Variants in ARMC9 observed in about 807,000 individuals in gnomAD.
ARMC9 encodes the protein armadillo repeat containing 9.
Under a neutral mutation model 107.0 loss-of-function variants are expected in ARMC9, and 94 were observed. That is an observed-to-expected ratio of 0.88 (90% CI 0.74 to 1.04). ARMC9 has a LOEUF of 1.04. ARMC9 is among the 50% of genes least tolerant of loss of function. ARMC9 has a pLI of 0.00. For synonymous variants in ARMC9, 380 were observed against 396.9 expected (o/e 0.96, Z 0.51); for missense variants, 942 against 1,030.1 (o/e 0.91, Z 1.17).
At chr2:231,309,022 T>C (rs2042190566) in intron 19 of ARMC9, among the ~76,000 whole-genome samples, 1 of 152,258 alleles carries the variant, frequency 6.6e-6, no homozygotes, top group Non-Finnish European at 1.5e-5. Flanking sequence ...GCAGGACCTT[T>C]CCATTATTTA....
intron 1 of ARMC9, among the ~76,000 whole-genome samples, chr2:231,205,411 TAGATGAAGAA>T (rs2031824067): frequency 6.6e-6 from 1 of 152,168 alleles, no homozygotes. Flanking sequence ...CTGAATTTTA[TAGATGAAGAA>T]AGGCTCTGCA....
rs76396250 is a variant in ARMC9 at position 231,206,569 on chromosome 2, C to T, written c.51+280C>T. Among the ~76,000 whole-genome samples the T allele has an allele frequency of 5.7e-3, 874 of 152,274 alleles. 5 individuals are homozygous for T. Among genetic ancestry groups the T allele is most frequent in the African/African-American group, 0.02 (821 of 41,550 alleles). Reference sequence around the variant, plus strand: ...GAAGTATAAAAAGGAAATTTCCCTCCCAGACTTTTTTCTATGTATAGTAAA... The same window carrying T: ...GAAGTATAAAAAGGAAATTTCCCTCTCAGACTTTTTTCTATGTATAGTAAA... On this transcript the variant is annotated intron_variant, in intron 2 of 24. Transcript: ENST00000611582.
chr2:231,226,936 A>G, intron 7 of ARMC9, 138 bp downstream of exon 7: 1 of 1,000,554 alleles, frequency 1.0e-6, no homozygotes, highest in South Asian at 1.5e-5. Context: ...CTTTGCAGTC[A>G]TAGTGACCTG....
At chr2:231,270,752 T>C in intron 12 of ARMC9, 1 of 653,806 alleles carries the variant, frequency 1.5e-6, no homozygotes, top group Non-Finnish European at 2.9e-6. Flanking sequence ...TCTGAGGGCT[T>C]CGTGTAATTA....
intron 22 of ARMC9, among the ~76,000 whole-genome samples, chr2:231,356,611 A>G (rs1007762574): frequency 1.3e-5 from 2 of 152,254 alleles, no homozygotes; most frequent in Non-Finnish European, 2.9e-5. Flanking sequence ...TCTGCTCACA[A>G]TTGGATTCAG....
intron 9 of ARMC9, among the ~76,000 whole-genome samples, chr2:231,242,601 AGT>A (rs1361264319): frequency 1.3e-5 from 2 of 152,088 alleles, no homozygotes; most frequent in African/African-American, 2.4e-5. Flanking sequence ...TAGGAAGCAG[AGT>A]GTGCTTACCA....
intron 20 of ARMC9, among the ~76,000 whole-genome samples, chr2:231,343,658 C>A (rs2044650519): frequency 1.3e-5 from 2 of 152,226 alleles, no homozygotes; most frequent in Non-Finnish European, 2.9e-5. Flanking sequence ...ATAATAGTAA[C>A]CATATTACAA....
At chr2:231,306,686 G>A (rs997392811) in intron 19 of ARMC9, among the ~76,000 whole-genome samples, 7 of 151,886 alleles carry the variant, frequency 4.6e-5, no homozygotes, top group African/African-American at 1.7e-4. Context: ...ATAGGAACAA[G>A]CTAATTGTCC....
rs1176702594 is a variant in ARMC9 at position 231,345,024 on chromosome 2, A to C, written c.1928A>C (p.Gln643Pro). ...KTRRKGLANV[Q>P]WSGDEPLQRP... ...AGGCGGAAGGGGCTGGCTAATGTGC[A>C]GTGGAGCGGGGATGAGCCCCTGCAA... Residue 643 changes from glutamine to proline, a missense_variant, in exon 21 of 25, where the codon CAG (glutamine) becomes CCG (proline). Physicochemically the swap from Gln to Pro is moderately conservative, Grantham distance 76. Coordinates refer to ENST00000611582, the MANE Select transcript of ARMC9 (RefSeq NM_001352754.2). The C allele has an allele frequency of 6.2e-7, 1 of 1,614,104 alleles. No homozygotes were observed. The highest frequency in any genetic ancestry group is 1.1e-5 in the South Asian group (1 of 91,058).
chr2:231,253,569 A>G (rs2037494917), intron 9 of ARMC9, among the ~76,000 whole-genome samples: 1 of 152,132 alleles, frequency 6.6e-6, no homozygotes, highest in Admixed American at 6.5e-5. Context: ...AAAAAATGTT[A>G]TGGACCAGAG....
At chr2:231,258,251 G>A (rs910014574) in intron 10 of ARMC9, among the ~76,000 whole-genome samples, 8 of 151,862 alleles carry the variant, frequency 5.3e-5, no homozygotes, top group African/African-American at 1.9e-4. Context: ...GTGCGATCTC[G>A]GCTCACTGCA....
chr2:231,370,235 G>A, intron 24 of ARMC9, 110 bp downstream of exon 24: 1 of 1,236,046 alleles, frequency 8.1e-7, no homozygotes, highest in East Asian at 2.9e-5. Context: ...TACCAGGCCA[G>A]GCCAGAAGGG....
intron 8 of ARMC9, among the ~76,000 whole-genome samples, chr2:231,239,676 A>G (rs2036102420): frequency 6.6e-6 from 1 of 152,224 alleles, no homozygotes; most frequent in South Asian, 2.1e-4. Context: ...CAGTGGAGAT[A>G]GCTGAAGTGG....
intron 20 of ARMC9, among the ~76,000 whole-genome samples, chr2:231,340,836 C>T (rs919116543): frequency 2.0e-5 from 3 of 152,114 alleles, no homozygotes; most frequent in Admixed American, 6.6e-5. Flanking sequence ...TGCAGTGAGC[C>T]AAGATCGCGC....
rs556006458 is a variant in ARMC9, at chr2:231,375,373, G to A, written c.*3838G>A. Among the ~76,000 whole-genome samples the A allele has an allele frequency of 1.3e-5, 2 of 151,902 alleles. No individual in the cohort carries two copies. The highest frequency in any genetic ancestry group is 2.1e-4 in the East Asian group (1 of 4,816). On this transcript the variant is annotated 3_prime_UTR_variant, in exon 25 of 25. Coordinates refer to ENST00000611582, the MANE Select transcript of ARMC9 (RefSeq NM_001352754.2). This position sits in a 1 kb window ranked among gnomAD's most constrained non-coding sequence, Gnocchi z 4.3. Reference sequence around the variant, plus strand: ...CCCATTGTCCAAAGCAGACCACATGGCCAAGGCCCAAGTCTGTGTGAAAGG... The same window carrying A: ...CCCATTGTCCAAAGCAGACCACATGACCAAGGCCCAAGTCTGTGTGAAAGG...
intron 19 of ARMC9, among the ~76,000 whole-genome samples, chr2:231,310,373 G>A (rs1415835645): frequency 2.7e-5 from 4 of 150,192 alleles, no homozygotes; most frequent in South Asian, 2.1e-4. Flanking sequence ...AGCCGAGATC[G>A]CGCCATTGCA....
chr2:231,239,879 G>A (rs1046617487), intron 8 of ARMC9, 64 bp from the exon 9 acceptor site: 11 of 1,380,278 alleles, frequency 8.0e-6, no homozygotes, highest in South Asian at 1.2e-5. Flanking sequence ...AATTGCCAGC[G>A]TGCCTCAGGT....
chr2:231,255,968 A>G lies in ARMC9; in HGVS notation c.880-618A>G. 1.2e-6 allele frequency: 1 copy of G among 841,234 alleles called. No homozygotes were observed. Among genetic ancestry groups the G allele is most frequent in the Non-Finnish European group, 1.8e-6 (1 of 557,106 alleles). 52.1% of individuals were successfully genotyped at this position (841,234 alleles called of 1,614,324 possible). ...GGCAGGAGAATGGCGTGAACCCGGT[A>G]GGCGGAGGTTGCGGTGAGCCAAGAT... On this transcript the variant is annotated intron_variant, in intron 9 of 24. Transcript: ENST00000611582. This position sits in a 1 kb window ranked among gnomAD's most constrained non-coding sequence, Gnocchi z 4.7.
At chr2:231,350,802 C>A (rs1467819564) in intron 21 of ARMC9, among the ~76,000 whole-genome samples, 1 of 151,342 alleles carries the variant, frequency 6.6e-6, no homozygotes, top group African/African-American at 2.4e-5. Flanking sequence ...CAATCCATTC[C>A]AGCCATGGGA....
Sources: allele counts gnomAD v4.1 joint callset (sites outside exome capture counted in the v4.1 genomes callset), GRCh38; gene constraint gnomAD v4.1.1; non-coding constraint Gnocchi (gnomAD v3.1); transcripts MANE v1.5; gene names NCBI Gene and HGNC (gene_info 2026-07-23, HGNC 2026-07-21).